MAP3K20: variants seen among roughly 807,000 people sequenced by gnomAD.
MAP3K20 encodes mitogen-activated protein kinase kinase kinase 20, also known as HCCS-4.
Under a neutral mutation model 85.7 loss-of-function variants are expected in MAP3K20, and 40 were observed. The ratio of observed to expected loss-of-function variants is 0.47; its 90% confidence interval spans 0.36 to 0.61. The LOEUF is 0.61. MAP3K20 is among the 20% of genes least tolerant of loss of function. The probability of loss-of-function intolerance (pLI) is 0.00; values close to 1 mark genes in which losing one functional copy is unlikely to be tolerated. For missense variants in MAP3K20, 817 were observed against 961.7 expected, an observed-to-expected ratio of 0.85 and a Z score of 1.99; for synonymous variants, 325 against 327.7, an observed-to-expected ratio of 0.99 and a Z score of 0.09.
intron 16 of MAP3K20, among the ~76,000 whole-genome samples, chr2:173,245,846 C>T (rs1684900134): frequency 6.6e-6 from 1 of 152,126 alleles, no homozygotes; most frequent in Non-Finnish European, 1.5e-5. Flanking sequence ...GCAGAAGAAT[C>T]GCTTAAACCC....
intron 2 of MAP3K20, 28 bp from the exon 3 acceptor site, chr2:173,169,777 G>C (rs1200671804): frequency 1.9e-6 from 3 of 1,592,834 alleles, no homozygotes; most frequent in African/African-American, 1.4e-5. Flanking sequence ...GAAATGTTAT[G>C]CAACTTTGCA....
chr2:173,194,248 A>G (rs2106279089), intron 7 of MAP3K20, among the ~76,000 whole-genome samples: 1 of 152,318 alleles, frequency 6.6e-6, no homozygotes, highest in East Asian at 1.9e-4. Flanking sequence ...TCAGGACTGT[A>G]TAGGTTGATG....
At chr2:173,241,885 T>G (rs1684791027) in intron 16 of MAP3K20, among the ~76,000 whole-genome samples, 1 of 152,212 alleles carries the variant, frequency 6.6e-6, no homozygotes, top group South Asian at 2.1e-4. Context: ...TGTCTATTCA[T>G]TCCTGTTGTT....
chr2:173,109,147 A>G (rs935582987), intron 2 of MAP3K20, among the ~76,000 whole-genome samples: 1 of 152,254 alleles, frequency 6.6e-6, no homozygotes, highest in East Asian at 1.9e-4. Context: ...TACGTGATAT[A>G]AAGTAAACAT....
chr2:173,258,386 C>A (rs1685207326), intron 16 of MAP3K20, among the ~76,000 whole-genome samples: 1 of 152,152 alleles, frequency 6.6e-6, no homozygotes, highest in African/African-American at 2.4e-5. Flanking sequence ...AAGGTTGCCA[C>A]TTAAAGCTTT....
chr2:173,215,947 A>G (rs1385310827), intron 10 of MAP3K20: 1 of 152,198 alleles, frequency 6.6e-6, no homozygotes, highest in Non-Finnish European at 1.5e-5. Flanking sequence ...ACAACACAGG[A>G]TTGCCTCAGT....
chr2:173,097,306 A>G (rs1268552381), intron 2 of MAP3K20, among the ~76,000 whole-genome samples: 2 of 152,216 alleles, frequency 1.3e-5, no homozygotes, highest in African/African-American at 4.8e-5. Context: ...TAGTGAGCCA[A>G]GATGGTGCCA....
At chr2:173,221,051 C>T in intron 11 of MAP3K20, 2 of 961,714 alleles carry the variant, frequency 2.1e-6, no homozygotes, top group Non-Finnish European at 2.8e-6. Flanking sequence ...AATCATTTAC[C>T]TCCTGTGTAG....
chr2:173,178,037 A>G (rs867970180), intron 3 of MAP3K20, among the ~76,000 whole-genome samples: 13 of 152,294 alleles, frequency 8.5e-5, no homozygotes, highest in Middle Eastern at 3.4e-3. Context: ...AGTTTATTAG[A>G]TTTGTTAATC....
chr2:173,229,875 G>A, intron 12 of MAP3K20, 142 bp downstream of exon 12: 1 of 932,784 alleles, frequency 1.1e-6, no homozygotes, highest in Non-Finnish European at 1.7e-6. Context: ...CTGTCTCCCA[G>A]GCTGGAGTGC....
At chr2:173,120,433 C>T (rs1407152823) in intron 2 of MAP3K20, among the ~76,000 whole-genome samples, 8 of 151,872 alleles carry the variant, frequency 5.3e-5, no homozygotes, top group Admixed American at 5.3e-4. Context: ...AGCAACAACC[C>T]AATATTCCCT....
intron 2 of MAP3K20, among the ~76,000 whole-genome samples, chr2:173,115,758 A>T (rs1688103454): frequency 6.6e-6 from 1 of 152,050 alleles, no homozygotes; most frequent in African/African-American, 2.4e-5. Flanking sequence ...GAGTCCTGTG[A>T]TGTGAACCGC....
chr2:173,103,752 A>G (rs2106163497), intron 2 of MAP3K20, among the ~76,000 whole-genome samples: 1 of 152,300 alleles, frequency 6.6e-6, no homozygotes, highest in South Asian at 2.1e-4. Flanking sequence ...AACTGCAGAT[A>G]CCACTGAAAG....
intron 10 of MAP3K20, chr2:173,210,223 C>G: frequency 4.9e-6 from 1 of 203,514 alleles, no homozygotes; most frequent in South Asian, 8.0e-5. Flanking sequence ...TGTGGTGGCA[C>G]ATGCCTGTAA....
intron 11 of MAP3K20, chr2:173,226,363 A>G: frequency 2.0e-6 from 2 of 985,394 alleles, no homozygotes; most frequent in Non-Finnish European, 2.4e-6. Flanking sequence ...GACTTATTGC[A>G]GCCTTTTGAA....
chr2:173,173,036 TGCCTCA>T (rs1404718412), intron 3 of MAP3K20, among the ~76,000 whole-genome samples: 1 of 152,094 alleles, frequency 6.6e-6, no homozygotes, highest in Non-Finnish European at 1.5e-5. Flanking sequence ...ATGATCCGCC[TGCCTCA>T]GCCTCCCAAA....
intron 14 of MAP3K20, among the ~76,000 whole-genome samples, chr2:173,233,375 A>G (rs372163830): frequency 1.3e-5 from 2 of 152,246 alleles, no homozygotes; most frequent in African/African-American, 4.8e-5. Flanking sequence ...CCAAAACTTA[A>G]CTGTTAAGTA....
intron 2 of MAP3K20, among the ~76,000 whole-genome samples, chr2:173,134,410 A>ATTTT (rs1688724960): frequency 1.8e-4 from 1 of 5,662 alleles, no homozygotes; most frequent in Non-Finnish European, 4.7e-4. Flanking sequence ...ATATATATAT[A>ATTTT]TATATATATA....
intron 14 of MAP3K20, among the ~76,000 whole-genome samples, chr2:173,234,734 G>T (rs1684605512): frequency 6.6e-6 from 1 of 152,330 alleles, no homozygotes; most frequent in African/African-American, 2.4e-5. Context: ...GCAGAACACG[G>T]GTGATGAGTA....
Sources: gnomAD v4.1 joint callset for allele counts (sites outside exome capture counted in the v4.1 genomes callset) on GRCh38, gnomAD v4.1.1 for gene constraint, MANE v1.5 for transcripts, NCBI Gene and HGNC (gene_info 2026-07-23, HGNC 2026-07-21) for gene names.